Variants in BABAM2 observed in about 807,000 individuals in gnomAD.
BABAM2 encodes the protein BRISC and BRCA1-A complex member 2.
A neutral mutation model predicts 54.7 loss-of-function variants in BABAM2; 31 were observed. The ratio of observed to expected loss-of-function variants is 0.57; its 90% CI spans 0.43 to 0.77. The LOEUF (loss-of-function observed/expected upper bound fraction) is 0.77, where lower values mean the gene tolerates loss of function less well. BABAM2 is among the 30% of genes least tolerant of loss of function. BABAM2 has a pLI of 0.00. For synonymous variants in BABAM2, 167 were observed against 162.9 expected (o/e 1.03, Z -0.19); for missense variants, 364 against 455.8 (o/e 0.80, Z 1.83).
At chr2:28,163,942 C>G in intron 7 of BABAM2, among the ~76,000 whole-genome samples, 1 of 152,204 alleles carries the variant, frequency 6.6e-6, no homozygotes, top group East Asian at 1.9e-4. Flanking sequence ...TGCTATGCAC[C>G]TCTTAGAAAC....
At chr2:28,242,886 CT>C (rs1682575285) in intron 9 of BABAM2, among the ~76,000 whole-genome samples, 1 of 152,012 alleles carries the variant, frequency 6.6e-6, no homozygotes. Flanking sequence ...TGAGAAAGTA[CT>C]TTTGATACAA....
intron 7 of BABAM2, among the ~76,000 whole-genome samples, chr2:28,175,079 G>A (rs776970994): frequency 1.4e-4 from 22 of 152,212 alleles, no homozygotes; most frequent in African/African-American, 1.9e-4. Context: ...CCCAACTAGC[G>A]GCAGAGCTGT....
chr2:28,076,000 A>C (rs1573529547), intron 6 of BABAM2, among the ~76,000 whole-genome samples: 1 of 152,174 alleles, frequency 6.6e-6, no homozygotes, highest in Admixed American at 6.5e-5. Context: ...GTGGCGGCTC[A>C]TGCCTGTAAT....
intron 2 of BABAM2, among the ~76,000 whole-genome samples, chr2:27,927,820 A>C (rs557412137): frequency 6.8e-6 from 1 of 147,806 alleles, no homozygotes; most frequent in African/African-American, 2.5e-5. Flanking sequence ...TGTTAAACAT[A>C]CCCTTGTTAA....
intron 3 of BABAM2, among the ~76,000 whole-genome samples, chr2:27,961,689 C>A (rs931686686): frequency 1.3e-5 from 2 of 150,372 alleles, no homozygotes; most frequent in African/African-American, 4.9e-5. Flanking sequence ...CTTCTATTAC[C>A]TGGCCTAATA....
Position 28,034,036 on chromosome 2 carries a change from C to G in BABAM2, c.495+8616C>G, listed in dbSNP as rs146073607. Among the ~76,000 whole-genome samples the G allele has an allele frequency of 1.7e-3, 259 of 152,238 alleles. 1 individual carries two copies. Among genetic ancestry groups the G allele is most frequent in the Admixed American group, 3.0e-3 (46 of 15,298 alleles). On this transcript the variant is annotated intron_variant, in intron 5 of 11. Transcript: ENST00000379624. The stretch of plus-strand genomic sequence containing the variant: ...AAATCTTTGGCTTATCCATTAAGCT[C>G]TGGCAACATTAAAAATATTGTGGAG...
Position 28,126,015 on chromosome 2 carries a change from G to A in BABAM2, c.571-3256G>A, listed in dbSNP as rs372434348. On this transcript the variant is annotated intron_variant, in intron 6 of 11. Transcript: ENST00000379624. The stretch of plus-strand genomic sequence containing the variant: ...TAGTTTGAAGCTACCTACACACACA[G>A]TTAATATTGGTTACCTTGAAAAGTG... 4.5e-4 allele frequency among the ~76,000 whole-genome samples: 68 copies of A among 152,308 alleles called. 2 individuals carry two copies. The East Asian group carries it at 6.2e-3, about 14-fold the overall frequency.
intron 5 of BABAM2, among the ~76,000 whole-genome samples, chr2:28,031,569 T>C (rs1676292585): frequency 6.6e-6 from 1 of 151,992 alleles, no homozygotes; most frequent in African/African-American, 2.4e-5. Context: ...TAAAAAAAAA[T>C]AAAGTAGATC....
At chr2:28,260,299 C>CTTTTTTT (rs965855673) in intron 10 of BABAM2, among the ~76,000 whole-genome samples, 22 of 120,414 alleles carry the variant, frequency 1.8e-4, no homozygotes, top group Non-Finnish European at 2.8e-4. Context: ...TATTTCTTTT[C>CTTTTTTT]TTTTTTTTTT....
chr2:27,986,255 A>G (rs1393559051), intron 3 of BABAM2, among the ~76,000 whole-genome samples: 2 of 152,182 alleles, frequency 1.3e-5, no homozygotes, highest in Non-Finnish European at 2.9e-5. Context: ...TGGTGATAAT[A>G]TGTATTATGG....
intron 10 of BABAM2, among the ~76,000 whole-genome samples, chr2:28,254,702 C>T (rs1683812690): frequency 6.7e-6 from 1 of 149,006 alleles, no homozygotes; most frequent in Admixed American, 6.8e-5. Context: ...CACTATGTAT[C>T]TCTAACAGAT....
chr2:28,323,576 G>T (rs945579482), intron 11 of BABAM2, among the ~76,000 whole-genome samples: 1 of 152,200 alleles, frequency 6.6e-6, no homozygotes, highest in African/African-American at 2.4e-5. Context: ...ACAGAGAGGT[G>T]AAGTGGCTTC....
rs758549472 is a variant in BABAM2, at chr2:28,241,445, T to A, written c.851+52T>A. On this transcript the variant is annotated intron_variant, in intron 9 of 11. Transcript: ENST00000379624. ...TACCGGTGATGCCCTCGCTTGCTGA[T>A]GACCTCAACATGGGGGCTTGATTAA... The A allele has an allele frequency of 1.2e-5, 19 of 1,536,756 alleles. No individual in the cohort carries two copies. The African/African-American group carries it at 2.6e-4, about 21-fold the overall frequency.
At chr2:28,244,487 A>C (rs1558467557) in intron 9 of BABAM2, among the ~76,000 whole-genome samples, 1 of 152,070 alleles carries the variant, frequency 6.6e-6, no homozygotes, top group Non-Finnish European at 1.5e-5. Context: ...CCCTGTAATG[A>C]ATTTTGCAAA....
At chr2:28,273,322 CTGAGCA>C (rs1685587151) in intron 10 of BABAM2, among the ~76,000 whole-genome samples, 1 of 152,206 alleles carries the variant, frequency 6.6e-6, no homozygotes, top group Non-Finnish European at 1.5e-5. Context: ...ATTCTGAGGA[CTGAGCA>C]CCTCCTGCCT....
chr2:28,234,710 A>C (rs1681740386), intron 7 of BABAM2, among the ~76,000 whole-genome samples: 1 of 152,086 alleles, frequency 6.6e-6, no homozygotes, highest in Admixed American at 6.6e-5. Flanking sequence ...ACAGGACATA[A>C]ATATTGTATT....
intron 7 of BABAM2, among the ~76,000 whole-genome samples, chr2:28,218,843 A>G (rs1427128770): frequency 3.3e-5 from 5 of 151,992 alleles, no homozygotes; most frequent in Non-Finnish European, 7.4e-5. Flanking sequence ...AGCTTTCCTC[A>G]TTTATTTATT....
chr2:28,052,553 G>C (rs1678080188), intron 6 of BABAM2, among the ~76,000 whole-genome samples: 1 of 152,104 alleles, frequency 6.6e-6, no homozygotes, highest in Non-Finnish European at 1.5e-5. Context: ...CTCCCAAAGT[G>C]CTGAGATTAT....
intron 7 of BABAM2, among the ~76,000 whole-genome samples, chr2:28,197,025 T>C (rs2147940539): frequency 6.6e-6 from 1 of 151,706 alleles, no homozygotes. Flanking sequence ...TTTGGTATTT[T>C]TTATAGAGAT....
Sources: gnomAD v4.1 joint callset for allele counts (sites outside exome capture counted in the v4.1 genomes callset) on GRCh38, gnomAD v4.1.1 for gene constraint, MANE v1.5 for transcripts, NCBI Gene and HGNC (gene_info 2026-07-23, HGNC 2026-07-21) for gene names.